Variants in SRGAP1 observed in about 807,000 individuals in gnomAD.
The protein encoded by SRGAP1 is SLIT-ROBO Rho GTPase-activating protein 1.
A neutral mutation model predicts 121.9 loss-of-function variants in SRGAP1; 43 were observed. The ratio of observed to expected loss-of-function variants is 0.35; its 90% confidence interval spans 0.28 to 0.46. SRGAP1 has a LOEUF of 0.46. SRGAP1 is among the 20% of genes least tolerant of loss of function. The probability of loss-of-function intolerance (pLI) is 1.00; values close to 1 mark genes in which losing one functional copy is unlikely to be tolerated. For synonymous variants in SRGAP1, 447 were observed against 485.4 expected, an observed-to-expected ratio of 0.92 and a Z score of 1.04; for missense variants, 1,102 against 1,350.9, an observed-to-expected ratio of 0.82 and a Z score of 2.89.
Position 64,126,186 on chromosome 12 carries a change from G to A in SRGAP1, c.2405+29G>A, listed in dbSNP as rs1421775250. The A allele has an allele frequency of 2.5e-6, 4 of 1,602,038 alleles. No individual in the cohort carries two copies. In the African/African-American group the frequency reaches 5.4e-5, roughly 21 times the overall value. On this transcript the variant is annotated intron_variant, in intron 19 of 21. Transcript: ENST00000355086. Reference sequence around the variant, plus strand: ...AGTAGTCTCAACTTTGATTGCCTGAGTGCTCCCAATAGAGGACTCCAGCCA... The same window carrying A: ...AGTAGTCTCAACTTTGATTGCCTGAATGCTCCCAATAGAGGACTCCAGCCA...
At chr12:63,865,072 T>C (rs1430642972) in intron 1 of SRGAP1, among the ~76,000 whole-genome samples, 3 of 152,196 alleles carry the variant, frequency 2.0e-5, no homozygotes, top group Non-Finnish European at 1.5e-5. Context: ...TTTTAAATCA[T>C]TATTACTAGG....
intron 3 of SRGAP1, among the ~76,000 whole-genome samples, chr12:64,013,070 C>T (rs1225037594): frequency 6.6e-6 from 1 of 152,066 alleles, no homozygotes. Flanking sequence ...CTTTTAACAA[C>T]CCAGATATTT....
chr12:64,068,061 C>T (rs990748308), intron 8 of SRGAP1, among the ~76,000 whole-genome samples: 14 of 151,860 alleles, frequency 9.2e-5, no homozygotes, highest in Non-Finnish European at 1.5e-4. Context: ...GGCAGATTGC[C>T]TGAGCTCAAG....
In SRGAP1 at chr12:64,091,883, A is replaced by G. The variant is rs1385682500; in HGVS notation, c.1539+505A>G. On this transcript the variant is annotated intron_variant, in intron 12 of 21. Transcript: ENST00000355086. ...TCTTTTTCATCCTGTATTTCTGATA[A>G]TGCTTCTAGCCGAGGACGAAGAAAC... 11 of 1,535,444 alleles carry G rather than the reference A, an allele frequency of 7.2e-6. No individual in the cohort carries two copies. The East Asian group carries it at 2.4e-4, about 34-fold the overall frequency.
At chr12:63,900,208 T>TTTTTCTTTC (rs1246114253) in intron 1 of SRGAP1, among the ~76,000 whole-genome samples, 3,318 of 138,034 alleles carry the variant, frequency 0.024, 89 homozygotes, top group Middle Eastern at 0.032. Context: ...CTTTTTCTTT[T>TTTTTCTTTC]TTTTTTTTTT....
At chr12:63,963,510 C>A (rs1456921461) in intron 1 of SRGAP1, among the ~76,000 whole-genome samples, 3 of 152,168 alleles carry the variant, frequency 2.0e-5, no homozygotes, top group Non-Finnish European at 4.4e-5. Context: ...ACATAGCTGT[C>A]ACCTCAAACA....
chr12:63,941,509 A>G (rs2031867003), intron 1 of SRGAP1, among the ~76,000 whole-genome samples: 2 of 152,170 alleles, frequency 1.3e-5, no homozygotes, highest in African/African-American at 2.4e-5. Context: ...GGTGAAGCTC[A>G]TGGTTTTCTC....
At chr12:63,996,927 T>A (rs2033728549) in intron 3 of SRGAP1, among the ~76,000 whole-genome samples, 1 of 152,158 alleles carries the variant, frequency 6.6e-6, no homozygotes, top group African/African-American at 2.4e-5. Flanking sequence ...AAAATATTTT[T>A]AATTTGTATT....
At chr12:64,075,811 A>G (rs1593103895) in intron 8 of SRGAP1, among the ~76,000 whole-genome samples, 1 of 152,034 alleles carries the variant, frequency 6.6e-6, no homozygotes, top group South Asian at 2.1e-4. Flanking sequence ...ATTATTGTCT[A>G]TTAAATTTCT....
rs553520268 is a variant in SRGAP1, at chr12:64,152,439, G to A, written c.*9767G>A. The A allele has an allele frequency of 1.3e-5, 2 of 152,296 alleles. No individual in the cohort carries two copies. The highest frequency in any genetic ancestry group is 1.9e-4 in the East Asian group (1 of 5,184). The allele number at this position is 152,296 out of a possible 1,614,324, so 9.4% of individuals were successfully genotyped here. A position where few individuals can be genotyped will look rare whatever the true frequency, so the allele number is the denominator to read the frequency against. On this transcript the variant is annotated 3_prime_UTR_variant, in exon 22 of 22. Coordinates refer to ENST00000355086, the MANE Select transcript of SRGAP1 (RefSeq NM_020762.4). The stretch of plus-strand genomic sequence containing the variant: ...ACGTGGGTCCCCACTGCTGCAGGAC[G>A]GCATACTACTGTGTCTTATTCATCT...
At chr12:64,028,021 GT>G (rs1337216553) in intron 4 of SRGAP1, among the ~76,000 whole-genome samples, 1 of 152,188 alleles carries the variant, frequency 6.6e-6, no homozygotes, top group Non-Finnish European at 1.5e-5. Flanking sequence ...TTGAAGCCAT[GT>G]GAAACATTTC....
At chr12:64,075,082 T>C (rs2035710863) in intron 8 of SRGAP1, among the ~76,000 whole-genome samples, 1 of 151,760 alleles carries the variant, frequency 6.6e-6, no homozygotes, top group Admixed American at 6.6e-5. Context: ...CGCACAGAAA[T>C]ATAGAGGTGT....
At chr12:63,895,410 T>C (rs1900721378) in intron 1 of SRGAP1, among the ~76,000 whole-genome samples, 1 of 152,230 alleles carries the variant, frequency 6.6e-6, no homozygotes, top group Non-Finnish European at 1.5e-5. Flanking sequence ...GAATTAACAT[T>C]ATTTAAAAAT....
intron 21 of SRGAP1, among the ~76,000 whole-genome samples, chr12:64,139,359 T>G (rs562788209): frequency 1.3e-5 from 2 of 152,228 alleles, no homozygotes; most frequent in African/African-American, 2.4e-5. Flanking sequence ...GCTCAAAAAT[T>G]TGTTGAATGA....
chr12:63,859,824 C>T (rs1306549027), intron 1 of SRGAP1, among the ~76,000 whole-genome samples: 8 of 152,062 alleles, frequency 5.3e-5, no homozygotes, highest in Admixed American at 1.3e-4. Flanking sequence ...CTAATGTAAG[C>T]GTTAACCCTA....
chr12:63,877,898 T>A (rs888630268), intron 1 of SRGAP1, among the ~76,000 whole-genome samples: 1 of 152,246 alleles, frequency 6.6e-6, no homozygotes, highest in Non-Finnish European at 1.5e-5. Context: ...CTAGAATGTT[T>A]ACCTGGAGCC....
At chr12:63,950,469 G>T (rs1417105534) in intron 1 of SRGAP1, among the ~76,000 whole-genome samples, 3 of 151,644 alleles carry the variant, frequency 2.0e-5, no homozygotes, top group South Asian at 2.1e-4. Flanking sequence ...GCTTTTATTA[G>T]AGTCCATCTC....
chr12:63,884,987 T>C (rs1475901436), intron 1 of SRGAP1, among the ~76,000 whole-genome samples: 1 of 152,186 alleles, frequency 6.6e-6, no homozygotes, highest in Non-Finnish European at 1.5e-5. Context: ...CCCAAAGTGC[T>C]GGGATTACAG....
At chr12:64,131,506 G>A (rs2036784312) in intron 21 of SRGAP1, among the ~76,000 whole-genome samples, 1 of 152,170 alleles carries the variant, frequency 6.6e-6, no homozygotes, top group South Asian at 2.1e-4. Flanking sequence ...CTAGAAAGGG[G>A]CTGTAGTGCT....
Sources: gnomAD v4.1 joint callset for allele counts (sites outside exome capture counted in the v4.1 genomes callset) on GRCh38, gnomAD v4.1.1 for gene constraint, MANE v1.5 for transcripts, NCBI Gene and HGNC (gene_info 2026-07-23, HGNC 2026-07-21) for gene names.